The following COX19 variants were observed in gnomAD, a reference collection of about 807,000 sequenced individuals.
The protein encoded by COX19 is cytochrome c oxidase assembly protein COX19.
COX19 carries 8 observed loss-of-function variants against 6.8 expected under a neutral mutation model. That is an observed-to-expected ratio of 1.18 (90% confidence interval 0.69 to 2.12). The LOEUF (loss-of-function observed/expected upper bound fraction) is 2.12, where lower values mean the gene tolerates loss of function less well. Among genes scored for constraint, COX19 ranks in the 30% most tolerant of loss-of-function variants. The pLI is 0.00. For missense variants in COX19, 131 were observed against 104.6 expected (o/e 1.25, Z -1.10); for synonymous variants, 51 against 38.0 (o/e 1.34, Z -1.26).
rs2272379 is a variant in COX19 at position 973,157 on chromosome 7, A to G, written c.194+24T>C. The G allele has an allele frequency of 0.018, 25,815 of 1,470,652 alleles. 1,453 individuals carry two copies. The East Asian group carries it at 0.24, about 14-fold the overall frequency. The allele number at this position is 1,470,652 out of a possible 1,614,324, so 91.1% of individuals were successfully genotyped here. ...TTAATTGGAGTAGTGGGAGGTGGAA[A>G]TCATAACGCTTAGCTGTACTCACCT... On this transcript the variant is annotated intron_variant, in intron 2 of 2. Transcript: ENST00000344111.
Position 968,382 on chromosome 7 carries a change from A to T in COX19, c.*996T>A, listed in dbSNP as rs1847589288. ...GGAGACAGCCACTGCCAGGGTCGCC[A>T]GAGAGGACGTGACCTGGACCTCCCC... is the stretch of plus-strand genomic sequence containing the variant. On this transcript the variant is annotated 3_prime_UTR_variant, in exon 3 of 3. Transcript: ENST00000344111. 6.6e-6 allele frequency: 1 copy of T among 152,328 alleles called. No individual in the cohort carries two copies. The highest frequency in any genetic ancestry group is 1.5e-5 in the Non-Finnish European group (1 of 68,122). 9.4% of individuals were successfully genotyped at this position (152,328 alleles called of 1,614,324 possible). A position where few individuals can be genotyped will look rare whatever the true frequency, so the allele number is the denominator to read the frequency against.
In COX19 at chr7:966,147, C is replaced by CTTTT. The variant is rs11291741; in HGVS notation, c.*3227_*3230dup. The CTTTT allele has an allele frequency of 4.6e-5, 6 of 130,192 alleles. No individual in the cohort carries two copies. Among genetic ancestry groups the CTTTT allele is most frequent in the Non-Finnish European group, 4.8e-5 (3 of 62,012 alleles). The allele number at this position is 130,192 out of a possible 1,614,324, so 8.1% of individuals were successfully genotyped here. On this transcript the variant is annotated 3_prime_UTR_variant, in exon 3 of 3. Transcript: ENST00000344111. ...CCCATTACAATAATTAATTTTCTTT[C>CTTTT]TTTTTTTTTTTTTTTTTTCCTTTGG...
At chr7:975,017 G>A (rs944902260) in intron 1 of COX19, 7 of 166,064 alleles carry the variant, frequency 4.2e-5, no homozygotes, top group Non-Finnish European at 7.8e-5. Flanking sequence ...AATACGGCCA[G>A]AAGCACTGGG....
intron 1 of COX19, 39 bp from the exon 2 acceptor site, chr7:973,331 G>T: frequency 6.5e-7 from 1 of 1,529,410 alleles, no homozygotes; most frequent in South Asian, 1.3e-5. Context: ...TTTTCAGAGT[G>T]AAAAGTGATG....
intron 1 of COX19, among the ~76,000 whole-genome samples, chr7:973,517 C>A (rs1451506685): frequency 6.6e-6 from 1 of 152,010 alleles, no homozygotes; most frequent in African/African-American, 2.4e-5. Flanking sequence ...CAAAAAAAAC[C>A]TTAAAAGTTA....
Position 967,450 on chromosome 7 carries a change from T to TA in COX19, c.*1927dup, listed in dbSNP as rs1386700044. On this transcript the variant is annotated 3_prime_UTR_variant, in exon 3 of 3. Coordinates refer to ENST00000344111, the MANE Select transcript of COX19 (RefSeq NM_001031617.3). ...CCACGCAAAAAACAAATTTACTACT[T>TA]AGAGTACAGTATCTTTCCTGTCTTT... 3.9e-5 allele frequency: 6 copies of TA among 152,266 alleles called. No homozygotes were observed. The highest frequency in any genetic ancestry group is 1.4e-4 in the African/African-American group (6 of 41,470). The allele number at this position is 152,266 out of a possible 1,614,324, so 9.4% of individuals were successfully genotyped here.
chr7:970,810 T>C (rs1847624216), intron 2 of COX19, among the ~76,000 whole-genome samples: 1 of 152,076 alleles, frequency 6.6e-6, no homozygotes, highest in East Asian at 1.9e-4. Context: ...ACTCCTGAGC[T>C]CAAGTGATTC....
In COX19 at chr7:969,340, G is replaced by A; in HGVS notation, c.*38C>T. The A allele has an allele frequency of 7.7e-7, 1 of 1,298,840 alleles. No individual in the cohort carries two copies. The allele number at this position is 1,298,840 out of a possible 1,614,324, so 80.5% of individuals were successfully genotyped here. A position where few individuals can be genotyped will look rare whatever the true frequency, so the allele number is the denominator to read the frequency against. On this transcript the variant is annotated 3_prime_UTR_variant, in exon 3 of 3. Coordinates refer to ENST00000344111, the MANE Select transcript of COX19 (RefSeq NM_001031617.3). Reference sequence around the variant, plus strand: ...CAGGATGATGCCCTCCGTCCTGAGAGACCACTGAACACGGCCCAGGGGTCT... The same window carrying A: ...CAGGATGATGCCCTCCGTCCTGAGAAACCACTGAACACGGCCCAGGGGTCT...
Position 964,857 on chromosome 7 carries a change from T to G in COX19, c.*4521A>C, listed in dbSNP as rs1847528033. Among the ~76,000 whole-genome samples, 3 of 152,248 alleles carry G rather than the reference T, an allele frequency of 2.0e-5. No individual in the cohort carries two copies. The stretch of plus-strand genomic sequence containing the variant: ...CTTGGAAAACGCTCTGGAAATTGTC[T>G]TTGGGAGCCTTTTAATAATGTGGCC... On this transcript the variant is annotated 3_prime_UTR_variant, in exon 3 of 3. Coordinates refer to ENST00000344111, the MANE Select transcript of COX19 (RefSeq NM_001031617.3).
Position 973,204 on chromosome 7 carries a change from T to A in COX19, c.171A>T (p.Glu57Asp), listed in dbSNP as rs1441039158. The change falls in exon 2 of 3, where the codon GAA becomes GAT. Residue 57 changes from glutamate (E) to aspartate (D), a missense_variant. By Grantham distance (45) the Glu-to-Asp change is conservative. Coordinates refer to ENST00000344111, the MANE Select transcript of COX19 (RefSeq NM_001031617.3). ...ENALCRKESKEYLECRMERKL... is the reference protein window; with the variant it reads ...ENALCRKESKDYLECRMERKL... ...ACCTCTCCATCCTGCATTCTAAATA[T>A]TCTTTTGATTCCTTTCTGCACAAAG... The A allele has an allele frequency of 1.2e-6, 2 of 1,600,816 alleles. No homozygotes were observed. Among genetic ancestry groups the A allele is most frequent in the East Asian group, 4.5e-5 (2 of 44,254 alleles).
intron 1 of COX19, among the ~76,000 whole-genome samples, 198 bp from the exon 2 acceptor site, chr7:973,490 G>C (rs1415528547): frequency 6.6e-6 from 1 of 152,042 alleles, no homozygotes; most frequent in African/African-American, 2.4e-5. Flanking sequence ...GCAACACAGT[G>C]AGACCCCCAT....
rs11291741 is a variant in COX19, at chr7:966,147, C to CTTTTTTTTTTT, written c.*3220_*3230dup. 1 of 130,200 alleles carries CTTTTTTTTTTT rather than the reference C, an allele frequency of 7.7e-6. No homozygotes were observed. 8.1% of individuals were successfully genotyped at this position (130,200 alleles called of 1,614,324 possible). On this transcript the variant is annotated 3_prime_UTR_variant, in exon 3 of 3. Coordinates refer to ENST00000344111, the MANE Select transcript of COX19 (RefSeq NM_001031617.3). ...CCCATTACAATAATTAATTTTCTTTCTTTTTTTTTTTTTTTTTTCCTTTGG... is the reference window on the plus strand; with the variant it reads ...CCCATTACAATAATTAATTTTCTTTCTTTTTTTTTTTTTTTTTTTTTTTTTTTTTCCTTTGG...
chr7:975,422 G>C lies in COX19; in HGVS notation c.82+6C>G. ...GACCCCTGCCCGCCGACCTTCCGCC[G>C]CTCACCTAAGTGATCCAGCGGGAAG... On this transcript the variant is annotated splice_donor_region_variant and intron_variant, in intron 1 of 2. Coordinates refer to ENST00000344111, the MANE Select transcript of COX19 (RefSeq NM_001031617.3). The C allele has an allele frequency of 6.3e-7, 1 of 1,584,842 alleles. No homozygotes were observed. Among genetic ancestry groups the C allele is most frequent in the Non-Finnish European group, 8.6e-7 (1 of 1,167,136 alleles).
In COX19 at chr7:965,422, T is replaced by C. The variant is rs1847537103; in HGVS notation, c.*3956A>G. ...TCTCCTTGGGATTACATTCAGGCCA[T>C]GCAGTTGGGCAAGAGAACCAGAGGT... On this transcript the variant is annotated 3_prime_UTR_variant, in exon 3 of 3. Transcript: ENST00000344111. 6.6e-6 allele frequency among the ~76,000 whole-genome samples: 1 copy of C among 152,224 alleles called. No homozygotes were observed. Among genetic ancestry groups the C allele is most frequent in the African/African-American group, 2.4e-5 (1 of 41,454 alleles).
rs942808091 is a variant in COX19, at chr7:966,050, C to G, written c.*3328G>C. On this transcript the variant is annotated 3_prime_UTR_variant, in exon 3 of 3. Transcript: ENST00000344111. The stretch of plus-strand genomic sequence containing the variant: ...TTAATAAGACAGACCTGGCCCTCCC[C>G]CCACTGACATGTTTACGCAATTACT... 2.0e-5 allele frequency: 3 copies of G among 152,250 alleles called. No individual in the cohort carries two copies. The highest frequency in any genetic ancestry group is 7.2e-5 in the African/African-American group (3 of 41,468). The allele number at this position is 152,250 out of a possible 1,614,324, so 9.4% of individuals were successfully genotyped here.
At chr7:975,404 GC>G (rs971044282) in intron 1 of COX19, 23 bp downstream of exon 1, 29 of 1,559,308 alleles carry the variant, frequency 1.9e-5, no homozygotes, top group African/African-American at 2.8e-5. Flanking sequence ...GCAGACCCCT[GC>G]CCGCCGACCT....
intron 2 of COX19, among the ~76,000 whole-genome samples, chr7:970,357 A>G (rs1847618287): frequency 6.6e-6 from 1 of 150,484 alleles, no homozygotes; most frequent in East Asian, 2.0e-4. Flanking sequence ...CTGGTCTCGA[A>G]CTCCTGACCT....
chr7:968,667 G>A lies in COX19; in HGVS notation c.*711C>T, dbSNP rs959517496. 1 of 152,306 alleles carries A rather than the reference G, an allele frequency of 6.6e-6. No homozygotes were observed. 9.4% of individuals were successfully genotyped at this position (152,306 alleles called of 1,614,324 possible). A position where few individuals can be genotyped will look rare whatever the true frequency, so the allele number is the denominator to read the frequency against. On this transcript the variant is annotated 3_prime_UTR_variant, in exon 3 of 3. Coordinates refer to ENST00000344111, the MANE Select transcript of COX19 (RefSeq NM_001031617.3). Reference sequence around the variant, plus strand: ...GGCTGTGCTGCGAACACGTGCCGGGGTCTCGGGCGGAGCTGGCTGGCACAG... The same window carrying A: ...GGCTGTGCTGCGAACACGTGCCGGGATCTCGGGCGGAGCTGGCTGGCACAG...
In COX19 at chr7:967,461, ATCTTTCCTG is replaced by A. The variant is rs1296781307; in HGVS notation, c.*1908_*1916del. On this transcript the variant is annotated 3_prime_UTR_variant, in exon 3 of 3. Coordinates refer to ENST00000344111, the MANE Select transcript of COX19 (RefSeq NM_001031617.3). ...ACAAATTTACTACTTAGAGTACAGT[ATCTTTCCTG>A]TCTTTCCCACCTTTGGTCGACGGTC... The A allele has an allele frequency of 6.6e-6, 1 of 152,272 alleles. No individual in the cohort carries two copies. Among genetic ancestry groups the A allele is most frequent in the Non-Finnish European group, 1.5e-5 (1 of 68,048 alleles). The allele number at this position is 152,272 out of a possible 1,614,324, so 9.4% of individuals were successfully genotyped here.
Sources: gnomAD v4.1 joint callset for allele counts (sites outside exome capture counted in the v4.1 genomes callset) on GRCh38, gnomAD v4.1.1 for gene constraint, MANE v1.5 for transcripts, NCBI Gene and HGNC (gene_info 2026-07-23, HGNC 2026-07-21) for gene names.